SLC71A1: variants seen among roughly 807,000 people sequenced by gnomAD.
SLC71A1 encodes the protein hippocampus abundant gene transcript 1.
the SLC71A1 span, chr1:100,058,683 T>C: frequency 6.4e-7 from 1 of 1,574,654 alleles, no homozygotes; most frequent in Non-Finnish European, 8.7e-7. Flanking sequence ...ATGAAACCTT[T>C]CCTAAACATA....
chr1:100,056,082 T>C, the SLC71A1 span, among the ~76,000 whole-genome samples: 1 of 152,224 alleles, frequency 6.6e-6, no homozygotes, highest in East Asian at 1.9e-4. Context: ...GTAGAATAAA[T>C]GTTGGCTGTA....
chr1:100,050,029 A>T, the SLC71A1 span: 1 of 1,178,620 alleles, frequency 8.5e-7, no homozygotes, highest in South Asian at 1.3e-5. Context: ...AAATTATTTA[A>T]CACTGACTCC....
chr1:100,070,371 C>A, the SLC71A1 span, among the ~76,000 whole-genome samples: 1 of 152,146 alleles, frequency 6.6e-6, no homozygotes, highest in African/African-American at 2.4e-5. Context: ...CAGTGCGGCT[C>A]CAGTTGAGTG....
the SLC71A1 span, among the ~76,000 whole-genome samples, chr1:100,057,154 C>T: frequency 6.6e-6 from 1 of 152,168 alleles, no homozygotes; most frequent in African/African-American, 2.4e-5. Context: ...TGCTGTGCAG[C>T]TTTAAACTTG....
the SLC71A1 span, among the ~76,000 whole-genome samples, chr1:100,076,627 G>C: frequency 6.6e-6 from 1 of 152,132 alleles, no homozygotes; most frequent in African/African-American, 2.4e-5. Context: ...CCAAGATTAT[G>C]ATCCAGGCTG....
chr1:100,065,078 T>A, the SLC71A1 span, among the ~76,000 whole-genome samples: 1 of 152,162 alleles, frequency 6.6e-6, no homozygotes, highest in African/African-American at 2.4e-5. Flanking sequence ...TTCACCATGT[T>A]GCCCAGGATG....
At chr1:100,076,319 ATCTT>A in the SLC71A1 span, among the ~76,000 whole-genome samples, 1 of 152,184 alleles carries the variant, frequency 6.6e-6, no homozygotes, top group African/African-American at 2.4e-5. Flanking sequence ...CTTACTAGCT[ATCTT>A]ATGTAGTATA....
chr1:100,042,502 G>A, the SLC71A1 span, among the ~76,000 whole-genome samples: 1 of 152,112 alleles, frequency 6.6e-6, no homozygotes, highest in East Asian at 1.9e-4. Context: ...TGGCAGGAAA[G>A]CTCTCTGGGA....
chr1:100,069,244 G>A, the SLC71A1 span, among the ~76,000 whole-genome samples: 1 of 152,184 alleles, frequency 6.6e-6, no homozygotes, highest in Admixed American at 6.5e-5. Flanking sequence ...AAGTAGAGCA[G>A]CTAGCCAAAA....
At chr1:100,043,127 A>C in the SLC71A1 span, 4 of 984,464 alleles carry the variant, frequency 4.1e-6, no homozygotes, top group Non-Finnish European at 4.8e-6. Context: ...GCATACCAAC[A>C]TAATCAGACC....
the SLC71A1 span, chr1:100,069,836 G>A: frequency 1.6e-6 from 1 of 635,108 alleles, no homozygotes; most frequent in East Asian, 2.7e-5. Context: ...TGTGTAGCTA[G>A]TGTTGATCAG....
the SLC71A1 span, chr1:100,038,446 T>A: frequency 1.3e-6 from 1 of 765,192 alleles, no homozygotes; most frequent in South Asian, 1.6e-5. Context: ...GAGCTGCCGG[T>A]GCCTCGGGGT....
the SLC71A1 span, among the ~76,000 whole-genome samples, chr1:100,041,502 C>T: frequency 6.6e-6 from 1 of 152,192 alleles, no homozygotes; most frequent in Non-Finnish European, 1.5e-5. Context: ...TGTTTGAAAA[C>T]AGCATAAGTA....
the SLC71A1 span, among the ~76,000 whole-genome samples, chr1:100,074,440 A>G: frequency 1.3e-5 from 2 of 151,976 alleles, no homozygotes; most frequent in Admixed American, 6.6e-5. Flanking sequence ...TTAGCTGGGC[A>G]TGGTGGCACG....
At chr1:100,082,292 CCA>C in the SLC71A1 span, 2 of 1,025,426 alleles carry the variant, frequency 2.0e-6, no homozygotes, top group African/African-American at 3.2e-5. Flanking sequence ...CCATTTCCAT[CCA>C]CAGTGTACTT....
chr1:100,080,268 A>T, the SLC71A1 span: 1 of 358,906 alleles, frequency 2.8e-6, no homozygotes, highest in Non-Finnish European at 5.0e-6. Flanking sequence ...TCTATGTGAG[A>T]CCTATATATG....
the SLC71A1 span, among the ~76,000 whole-genome samples, chr1:100,067,323 A>G: frequency 6.6e-6 from 1 of 152,102 alleles, no homozygotes; most frequent in Admixed American, 6.5e-5. Flanking sequence ...GGCTCACTGC[A>G]ACCTCCGCCT....
chr1:100,051,720 TAACATAC>T, the SLC71A1 span, among the ~76,000 whole-genome samples: 1 of 152,220 alleles, frequency 6.6e-6, no homozygotes, highest in South Asian at 2.1e-4. Context: ...TCTGTCAGTT[TAACATAC>T]AAATCTGTCT....
chr1:100,066,944 G>A, the SLC71A1 span, among the ~76,000 whole-genome samples: 122 of 138,318 alleles, frequency 8.8e-4, no homozygotes, highest in African/African-American at 3.0e-3. Context: ...AGCCGAGATC[G>A]CGCCACTGCA....
Sources: allele counts gnomAD v4.1 joint callset (sites outside exome capture counted in the v4.1 genomes callset), GRCh38; gene constraint gnomAD v4.1.1; transcripts MANE v1.5; gene names NCBI Gene and HGNC (gene_info 2026-07-23, HGNC 2026-07-21).